The following TGM5 variants were observed in gnomAD, a reference collection of about 807,000 sequenced individuals.
The protein encoded by TGM5 is protein-glutamine gamma-glutamyltransferase 5.
In TGM5, 69 loss-of-function variants were observed where a neutral mutation model predicts 77.2. The ratio of observed to expected loss-of-function variants is 0.89; its 90% confidence interval spans 0.74 to 1.09. The LOEUF (loss-of-function observed/expected upper bound fraction) is 1.09. TGM5 is among the 50% of genes least tolerant of loss of function. The probability of loss-of-function intolerance (pLI) is 0.00; values close to 1 mark genes in which losing one functional copy is unlikely to be tolerated. For missense variants in TGM5, 842 were observed against 896.5 expected (o/e 0.94, Z 0.78); for synonymous variants, 346 against 351.8 (o/e 0.98, Z 0.18).
intron 6 of TGM5, among the ~76,000 whole-genome samples, chr15:43,242,351 C>T (rs1455619028): frequency 2.6e-5 from 4 of 152,078 alleles, no homozygotes; most frequent in African/African-American, 7.2e-5. Context: ...GAATATTTGC[C>T]GAAAGCAAGA....
intron 4 of TGM5, 69 bp downstream of exon 4, chr15:43,256,499 A>G (rs1033679781): frequency 1.6e-5 from 19 of 1,195,754 alleles, no homozygotes; most frequent in South Asian, 2.4e-5. Flanking sequence ...GGTGAAGCTC[A>G]CATGTGCCCT....
In TGM5 at chr15:43,252,889, C is replaced by A. The variant is rs149600834; in HGVS notation, c.732G>T (p.Glu244Asp). ...DNGVLNGNWS[E>D]NYTDGANPAE... is the part of the protein sequence containing the mutation. ...CAGGGTTGGCGCCGTCTGTGTAATT[C>A]TCACTCCAGTTTCCATTGAGCACCC... is the stretch of plus-strand genomic sequence containing the variant. Residue 244 changes from glutamate (E) to aspartate (D), a missense_variant, in exon 6 of 13, where the codon GAG becomes GAT. Physicochemically the swap from Glu to Asp is conservative, Grantham distance 45 (BLOSUM62 2). Transcript: ENST00000220420. 5.0e-6 allele frequency: 8 copies of A among 1,613,746 alleles called. No individual in the cohort carries two copies. The highest frequency in any genetic ancestry group is 6.8e-6 in the Non-Finnish European group (8 of 1,180,040).
chr15:43,255,493 T>C (rs563539459), intron 4 of TGM5, among the ~76,000 whole-genome samples: 50 of 152,134 alleles, frequency 3.3e-4, no homozygotes, highest in Non-Finnish European at 6.9e-4. Context: ...TAGTGAGGAT[T>C]GGGGATGTGA....
chr15:43,256,890 A>T (rs1467456221), intron 3 of TGM5, among the ~76,000 whole-genome samples: 1 of 152,082 alleles, frequency 6.6e-6, no homozygotes, highest in Non-Finnish European at 1.5e-5. Context: ...AGAATAATAA[A>T]AATTTCCCTT....
At chr15:43,259,393 T>C (rs1335828610) in intron 3 of TGM5, among the ~76,000 whole-genome samples, 1 of 151,758 alleles carries the variant, frequency 6.6e-6, no homozygotes, top group Non-Finnish European at 1.5e-5. Context: ...GTGAAATAAT[T>C]GTAGCTGCTA....
In TGM5 at chr15:43,252,874, G is replaced by C. The variant is rs1031364043; in HGVS notation, c.747C>G (p.Gly249=). 6.2e-7 allele frequency: 1 copy of C among 1,613,832 alleles called. No individual in the cohort carries two copies. The highest frequency in any genetic ancestry group is 2.2e-5 in the East Asian group (1 of 44,886). Residue 249 remains glycine (G), a synonymous_variant, in exon 6 of 13, where the codon GGC becomes GGG. Coordinates refer to ENST00000220420, the MANE Select transcript of TGM5 (RefSeq NM_201631.4). ...NGNWSENYTD[G]ANPAEWTGSV... is the part of the protein sequence containing the mutation. ...TGCCCGTCCACTCCGCAGGGTTGGC[G>C]CCGTCTGTGTAATTCTCACTCCAGT...
intron 7 of TGM5, among the ~76,000 whole-genome samples, chr15:43,240,445 G>A (rs896686237): frequency 5.9e-5 from 9 of 151,860 alleles, no homozygotes; most frequent in Non-Finnish European, 7.4e-5. Flanking sequence ...CTGTATATAC[G>A]TTAATTAATG....
rs1467918774 is a variant in TGM5, at chr15:43,233,120, G to A, written c.*71C>T. On this transcript the variant is annotated 3_prime_UTR_variant, in exon 13 of 13. Transcript: ENST00000220420. Reference sequence around the variant, plus strand: ...AGCCTCTGTTGTGGTGGGGAATGGCGCAGCTTGCATTTGAACTTGCTCCTT... The same window carrying A: ...AGCCTCTGTTGTGGTGGGGAATGGCACAGCTTGCATTTGAACTTGCTCCTT... The A allele has an allele frequency of 1.1e-5, 18 of 1,585,728 alleles. No individual in the cohort carries two copies. The highest frequency in any genetic ancestry group is 3.4e-5 in the Admixed American group (2 of 58,270).
chr15:43,239,514 T>TA, intron 7 of TGM5: 26 of 499,728 alleles, frequency 5.2e-5, no homozygotes, highest in South Asian at 1.8e-4. Flanking sequence ...AGATCTCGTC[T>TA]CAAAAAAAAA....
In TGM5 at chr15:43,239,248, A is replaced by G; in HGVS notation, c.1020T>C (p.Asn340=). The G allele has an allele frequency of 6.2e-7, 1 of 1,614,202 alleles. No homozygotes were observed. The highest frequency in any genetic ancestry group is 8.5e-7 in the Non-Finnish European group (1 of 1,180,042). The change falls in exon 8 of 13, where the codon AAT becomes AAC. Residue 340 remains asparagine (N), a synonymous_variant. Coordinates refer to ENST00000220420, the MANE Select transcript of TGM5 (RefSeq NM_201631.4). ...KDTIWNFHVW[N]ECWMARKDLP... ...GATCCTTCCGGGCCATCCAGCACTC[A>G]TTCCAGACATGGAAGTTCCTGTGTC...
chr15:43,238,684 T>C, intron 9 of TGM5, 133 bp downstream of exon 9: 1 of 1,398,906 alleles, frequency 7.1e-7, no homozygotes, highest in African/African-American at 1.4e-5. Flanking sequence ...CCACCCCAAC[T>C]GGGGCCTCAA....
intron 4 of TGM5, among the ~76,000 whole-genome samples, 168 bp downstream of exon 4, chr15:43,256,400 C>T (rs535788770): frequency 7.9e-5 from 12 of 152,204 alleles, no homozygotes; most frequent in Middle Eastern, 3.2e-3. Flanking sequence ...GAAAGGCCCT[C>T]CCACTCCCTA....
At chr15:43,239,117 T>A (rs1596442069) in intron 8 of TGM5, 46 bp downstream of exon 8, 1 of 1,613,830 alleles carries the variant, frequency 6.2e-7, no homozygotes, top group East Asian at 2.2e-5. Context: ...AGGGGTGGGG[T>A]GCTTTCCACG....
chr15:43,260,130 G>A lies in TGM5; in HGVS notation c.358C>T (p.His120Tyr), dbSNP rs2042773635. ...ACAGACCCCTGGAAGGAGTCGATGT[G>A]GATTTTCAAGAGGTACCGACCCACG... ...AAVGRYLLKI[H>Y]IDSFQGSVTA... is the part of the protein sequence containing the mutation. Residue 120 changes from histidine to tyrosine, a missense_variant, in exon 3 of 13, where the codon CAC (histidine) becomes TAC (tyrosine). This residue lies in a region of TGM5 where 815 missense variants were observed against 844.6 expected (regional missense o/e 0.96). Transcript: ENST00000220420. The A allele has an allele frequency of 6.2e-7, 1 of 1,614,158 alleles. No individual in the cohort carries two copies.
At chr15:43,239,728 C>T (rs1294640908) in intron 7 of TGM5, 1 of 197,966 alleles carries the variant, frequency 5.1e-6, no homozygotes, top group Non-Finnish European at 1.1e-5. Flanking sequence ...TCTTTGCCTC[C>T]CAGAAAAGAG....
At chr15:43,234,721 C>T (rs752041001) in intron 11 of TGM5, 48 bp downstream of exon 11, 29 of 1,612,800 alleles carry the variant, frequency 1.8e-5, no homozygotes, top group African/African-American at 9.3e-5. Context: ...ACCCCCTCCC[C>T]GCCAGATCCA....
At chr15:43,238,768 A>G in intron 9 of TGM5, 49 bp downstream of exon 9, 1 of 1,606,928 alleles carries the variant, frequency 6.2e-7, no homozygotes, top group Non-Finnish European at 8.5e-7. Flanking sequence ...GGGTAGGGGA[A>G]GGTTCCTGCA....
intron 9 of TGM5, among the ~76,000 whole-genome samples, chr15:43,237,438 A>G (rs928724138): frequency 1.3e-5 from 2 of 152,222 alleles, no homozygotes; most frequent in South Asian, 4.1e-4. Flanking sequence ...AATCAGCAGT[A>G]TTGTTCTACA....
chr15:43,240,890 T>A lies in TGM5; in HGVS notation c.963A>T (p.Thr321=). The A allele has an allele frequency of 1.2e-6, 2 of 1,614,194 alleles. No individual in the cohort carries two copies. The highest frequency in any genetic ancestry group is 1.7e-6 in the Non-Finnish European group (2 of 1,180,028). Residue 321 remains threonine, a synonymous_variant, in exon 7 of 13, where the codon ACA becomes ACT. Coordinates refer to ENST00000220420, the MANE Select transcript of TGM5 (RefSeq NM_201631.4). ...TCTTCTTATTCCCCAAAATCCTGCC[T>A]GTGTTGTCATAATACTCATCTATGA... ...NLIIDEYYDN[T]GRILGNKKKD...
Sources: allele counts gnomAD v4.1 joint callset (sites outside exome capture counted in the v4.1 genomes callset), GRCh38; gene constraint gnomAD v4.1.1; regional missense constraint gnomAD v4.1.1; transcripts MANE v1.5; gene names NCBI Gene and HGNC (gene_info 2026-07-23, HGNC 2026-07-21).